Variants in ARHGAP20 observed in about 807,000 individuals in gnomAD.
ARHGAP20 encodes the protein Rho GTPase activating protein 20, also known as rho GTPase-activating protein 20.
Under a neutral mutation model 73.7 loss-of-function variants are expected in ARHGAP20, and 34 were observed. That is an observed-to-expected ratio of 0.46 (90% confidence interval 0.35 to 0.61). The LOEUF (loss-of-function observed/expected upper bound fraction) is 0.61, where lower values mean the gene tolerates loss of function less well. ARHGAP20 is among the 20% of genes least tolerant of loss of function. The probability of loss-of-function intolerance (pLI) is 0.00; values close to 1 mark genes in which losing one functional copy is unlikely to be tolerated. For missense variants in ARHGAP20, 1,314 were observed against 1,420.9 expected (o/e 0.92, Z 1.21); for synonymous variants, 523 against 518.2 (o/e 1.01, Z -0.13).
Position 110,712,165 on chromosome 11 carries a change from C to A in ARHGAP20, c.67G>T (p.Gly23Ter). 7.3e-7 allele frequency: 1 copy of A among 1,370,472 alleles called. No individual in the cohort carries two copies. Among genetic ancestry groups the A allele is most frequent in the Non-Finnish European group, 9.5e-7 (1 of 1,056,086 alleles). 84.9% of individuals were successfully genotyped at this position (1,370,472 alleles called of 1,614,324 possible). Reference sequence around the variant, plus strand: ...CTGCCTCCCGCGAGCCGAGACACTCCTGTCAGGGAAGAGGAGCGCCCCGGC... The same window carrying A: ...CTGCCTCCCGCGAGCCGAGACACTCATGTCAGGGAAGAGGAGCGCCCCGGC... ...GQPGRSSSLT[G>*]VSRLAGGSCT... Residue 23 changes from glycine to a stop codon, truncating the protein, a stop_gained, in exon 1 of 15, where the codon GGA becomes TGA. Coordinates refer to ENST00000683387, the MANE Select transcript of ARHGAP20 (RefSeq NM_001384657.1). LOFTEE classifies it high-confidence loss of function.
chr11:110,675,056 C>T (rs1219221350), intron 2 of ARHGAP20, among the ~76,000 whole-genome samples: 4 of 152,180 alleles, frequency 2.6e-5, no homozygotes, highest in Non-Finnish European at 4.4e-5. Context: ...CTTACTCTCA[C>T]TTCTAAGTAT....
chr11:110,585,101 G>T (rs1020823057), intron 12 of ARHGAP20, among the ~76,000 whole-genome samples: 1 of 149,756 alleles, frequency 6.7e-6, no homozygotes, highest in African/African-American at 2.4e-5. Context: ...GTGAATATAT[G>T]AATATATGTG....
At position 110,592,078 on chromosome 11, in the gene ARHGAP20, C is replaced by T. The variant is rs1947842785; in HGVS notation, c.1042G>A (p.Asp348Asn). The change falls in exon 10 of 15, where the codon GAC becomes AAC. Residue 348 changes from aspartate (D) to asparagine (N), a missense_variant. By Grantham distance (23) the Asp-to-Asn change is conservative. Coordinates refer to ENST00000683387, the MANE Select transcript of ARHGAP20 (RefSeq NM_001384657.1). The part of the protein sequence containing the change: ...AFWRGSSTHL[D>N]NLPSSPTSPM... ...GATGTTGGCGATGAGGGCAAGTTGT[C>T]CAGGTGAGTGCTAGAACCTCGCCAG... The T allele has an allele frequency of 1.9e-6, 3 of 1,614,116 alleles. No homozygotes were observed. Among genetic ancestry groups the T allele is most frequent in the Non-Finnish European group, 2.5e-6 (3 of 1,179,974 alleles).
intron 2 of ARHGAP20, among the ~76,000 whole-genome samples, chr11:110,632,109 C>T (rs1450877242): frequency 1.3e-5 from 2 of 152,146 alleles, no homozygotes; most frequent in East Asian, 3.9e-4. Flanking sequence ...GGGCTGTTTC[C>T]AGTTTTTAGC....
chr11:110,706,838 T>G (rs780852247), intron 1 of ARHGAP20, among the ~76,000 whole-genome samples: 1 of 152,086 alleles, frequency 6.6e-6, no homozygotes, highest in Non-Finnish European at 1.5e-5. Flanking sequence ...GCCAACACAA[T>G]CTCACGTATC....
intron 9 of ARHGAP20, among the ~76,000 whole-genome samples, chr11:110,592,528 C>A (rs1947853969): frequency 6.6e-6 from 1 of 151,550 alleles, no homozygotes; most frequent in African/African-American, 2.4e-5. Flanking sequence ...AAAGATGAGA[C>A]TAAGCATACA....
rs749128313 is a variant in ARHGAP20, at chr11:110,630,712, C to T, written c.269G>A (p.Gly90Asp). 10 of 1,613,976 alleles carry T rather than the reference C, an allele frequency of 6.2e-6. No homozygotes were observed. The change falls in exon 3 of 15, where the codon GGC becomes GAC. Residue 90 changes from glycine to aspartate, a missense_variant. By Grantham distance (94) the Gly-to-Asp change is moderately conservative. Transcript: ENST00000683387. Reference protein sequence around the residue: ...VCSNRTLLIDGRAELKRGLQR... With the variant: ...VCSNRTLLIDDRAELKRGLQR... ...GAGGCCTCTTTTGAGTTCTGCCCGG[C>T]CATCAATCAGCAGAGTCCTATTGGA...
rs184223405 is a variant in ARHGAP20 at position 110,676,827 on chromosome 11, T to A, written c.188+13720A>T. 6.6e-3 allele frequency among the ~76,000 whole-genome samples: 1,008 copies of A among 151,690 alleles called. 6 individuals are homozygous for A. The highest frequency in any genetic ancestry group is 0.024 in the South Asian group (113 of 4,770). On this transcript the variant is annotated intron_variant, in intron 2 of 14. Transcript: ENST00000683387. ...AATCTCCTCAAATAAGTTTTTTTTT[T>A]AAAAAATTGACAAAACATACAGATT...
chr11:110,598,058 G>A (rs529448982), intron 9 of ARHGAP20, among the ~76,000 whole-genome samples: 6 of 152,154 alleles, frequency 3.9e-5, no homozygotes, highest in Non-Finnish European at 5.9e-5. Context: ...ATAATTGAAT[G>A]TTAAAAATTA....
chr11:110,671,950 A>C (rs1323849426), intron 2 of ARHGAP20, among the ~76,000 whole-genome samples: 1 of 152,180 alleles, frequency 6.6e-6, no homozygotes, highest in African/African-American at 2.4e-5. Flanking sequence ...GATTGCAAAG[A>C]AATTGCAGTT....
At chr11:110,610,755 G>A (rs1022156071) in intron 7 of ARHGAP20, among the ~76,000 whole-genome samples, 1 of 152,058 alleles carries the variant, frequency 6.6e-6, no homozygotes, top group Admixed American at 6.6e-5. Flanking sequence ...TAAAGCTCTC[G>A]AAATCCATGA....
At chr11:110,592,926 G>A (rs891049123) in intron 9 of ARHGAP20, among the ~76,000 whole-genome samples, 1 of 152,158 alleles carries the variant, frequency 6.6e-6, no homozygotes, top group African/African-American at 2.4e-5. Flanking sequence ...ATCTACTAGG[G>A]ATGAAGAACT....
rs753018933 is a variant in ARHGAP20 at position 110,580,311 on chromosome 11, G to C, written c.2635C>G (p.His879Asp). ...HKTSCEAGLL[H>D]GEEDYLKRHK... ...CGTTTGAGATAATCCTCCTCTCCATGCAAGAGACCAGCTTCACAGCTGGTT... is the reference window on the plus strand; with the variant it reads ...CGTTTGAGATAATCCTCCTCTCCATCCAAGAGACCAGCTTCACAGCTGGTT... The change falls in exon 15 of 15, where the codon CAT becomes GAT. Residue 879 changes from histidine (H) to aspartate (D), a missense_variant. Coordinates refer to ENST00000683387, the MANE Select transcript of ARHGAP20 (RefSeq NM_001384657.1). The C allele has an allele frequency of 6.2e-7, 1 of 1,614,204 alleles. No homozygotes were observed. Among genetic ancestry groups the C allele is most frequent in the Non-Finnish European group, 8.5e-7 (1 of 1,180,032 alleles).
chr11:110,604,961 C>G (rs1948189832), intron 9 of ARHGAP20, among the ~76,000 whole-genome samples: 1 of 152,184 alleles, frequency 6.6e-6, no homozygotes, highest in Non-Finnish European at 1.5e-5. Context: ...AGACTACTCT[C>G]ACCCAGTATG....
At chr11:110,709,776 G>C (rs897822565) in intron 1 of ARHGAP20, among the ~76,000 whole-genome samples, 1 of 152,180 alleles carries the variant, frequency 6.6e-6, no homozygotes, top group African/African-American at 2.4e-5. Flanking sequence ...CAAGAAAAAG[G>C]GGTCTGAATT....
Position 110,706,323 on chromosome 11 carries a change from C to T in ARHGAP20, c.105+5804G>A, listed in dbSNP as rs143712103. 7.2e-5 allele frequency among the ~76,000 whole-genome samples: 11 copies of T among 152,214 alleles called. No individual in the cohort carries two copies. In the East Asian group the frequency reaches 1.5e-3, roughly 21 times the overall value. Reference sequence around the variant, plus strand: ...ACTACACTGAAGCCTTGATATGGTTCGGTTCCTTCTTTAGGAAAAAATTAA... The same window carrying T: ...ACTACACTGAAGCCTTGATATGGTTTGGTTCCTTCTTTAGGAAAAAATTAA... On this transcript the variant is annotated intron_variant, in intron 1 of 14. Coordinates refer to ENST00000683387, the MANE Select transcript of ARHGAP20 (RefSeq NM_001384657.1).
At chr11:110,696,526 T>C (rs1385316120) in intron 1 of ARHGAP20, among the ~76,000 whole-genome samples, 1 of 151,676 alleles carries the variant, frequency 6.6e-6, no homozygotes, top group African/African-American at 2.4e-5. Context: ...TTCAGAGATC[T>C]GAGGAATTTG....
chr11:110,657,942 GGAAGGAA>G (rs764198068), intron 2 of ARHGAP20, among the ~76,000 whole-genome samples: 3,259 of 149,830 alleles, frequency 0.022, 134 homozygotes, highest in African/African-American at 0.069. Context: ...AAGGAAGGAA[GGAAGGAA>G]GGAAGGAAGG....
rs149488915 is a variant in ARHGAP20 at position 110,676,382 on chromosome 11, G to A, written c.188+14165C>T. ...CTCACAGTTCCTCAGGGCTAGGGAG[G>A]CCTCAGGAAACTTACAGTCATGGCA... On this transcript the variant is annotated intron_variant, in intron 2 of 14. Coordinates refer to ENST00000683387, the MANE Select transcript of ARHGAP20 (RefSeq NM_001384657.1). 3.9e-5 allele frequency among the ~76,000 whole-genome samples: 6 copies of A among 152,274 alleles called. No homozygotes were observed. In the East Asian group the frequency reaches 1.2e-3, roughly 29 times the overall value.
Sources: gnomAD v4.1 joint callset for allele counts (sites outside exome capture counted in the v4.1 genomes callset) on GRCh38, gnomAD v4.1.1 for gene constraint, MANE v1.5 for transcripts, NCBI Gene and HGNC (gene_info 2026-07-23, HGNC 2026-07-21) for gene names.